SVIL: variants seen among roughly 807,000 people sequenced by gnomAD.
SVIL encodes archvillin.
In SVIL, 101 loss-of-function variants were observed where a neutral mutation model predicts 240.4. The observed-to-expected ratio is 0.42, with a 90% CI of 0.36 to 0.50. The LOEUF (loss-of-function observed/expected upper bound fraction) is 0.50, where lower values mean the gene tolerates loss of function less well. Among genes scored for constraint, SVIL ranks in the 20% least tolerant of loss-of-function variants. The pLI is 0.01. For missense variants in SVIL, 2,512 were observed against 2,818.7 expected (o/e 0.89, Z 2.46); for synonymous variants, 999 against 1,100.0 (o/e 0.91, Z 1.82).
At chr10:29,519,571 T>C (rs1247967880) in intron 16 of SVIL, among the ~76,000 whole-genome samples, 1 of 152,206 alleles carries the variant, frequency 6.6e-6, no homozygotes, top group South Asian at 2.1e-4. Flanking sequence ...AAAGCTATCA[T>C]GGATGAATTG....
intron 18 of SVIL, among the ~76,000 whole-genome samples, chr10:29,498,371 T>C (rs777011011): frequency 8.6e-5 from 13 of 151,510 alleles, no homozygotes; most frequent in Non-Finnish European, 1.8e-4. Flanking sequence ...TGAGCCGAGA[T>C]CACACCATTG....
chr10:29,667,594 G>T (rs376105883), intron 2 of SVIL, among the ~76,000 whole-genome samples: 4 of 152,192 alleles, frequency 2.6e-5, no homozygotes, highest in South Asian at 2.1e-4. Flanking sequence ...GCTCACACCT[G>T]TAATCTCAAC....
chr10:29,556,429 A>G (rs1225207832), intron 3 of SVIL, among the ~76,000 whole-genome samples: 1 of 152,096 alleles, frequency 6.6e-6, no homozygotes, highest in Non-Finnish European at 1.5e-5. Flanking sequence ...ATGAGTCAAA[A>G]CTACACACAC....
chr10:29,532,619 C>A lies in SVIL; in HGVS notation c.1748G>T (p.Gly583Val). 6.2e-7 allele frequency: 1 copy of A among 1,614,086 alleles called. No individual in the cohort carries two copies. The highest frequency in any genetic ancestry group is 2.2e-5 in the East Asian group (1 of 44,862). Residue 583 changes from glycine (G) to valine (V), a missense_variant, in exon 8 of 38, where the codon GGG becomes GTG. By Grantham distance (109) the Gly-to-Val change is moderately radical. Transcript: ENST00000355867. Reference sequence around the variant, plus strand: ...TTTTGTGTCCAGCATGCTGATCTCCCCATAAGGCCCTTCGGTCTTGGAGCT... The same window carrying A: ...TTTTGTGTCCAGCATGCTGATCTCCACATAAGGCCCTTCGGTCTTGGAGCT... Reference protein sequence around the residue: ...LPSSKTEGPYGEISMLDTKVS... With the variant: ...LPSSKTEGPYVEISMLDTKVS...
chr10:29,469,813 G>C (rs1945348955), intron 32 of SVIL, among the ~76,000 whole-genome samples: 3 of 152,236 alleles, frequency 2.0e-5, no homozygotes, highest in Non-Finnish European at 2.9e-5. Flanking sequence ...ATCGGGGGCT[G>C]CTCTCCAGAA....
chr10:29,577,663 T>G (rs971631690), intron 1 of SVIL, among the ~76,000 whole-genome samples: 5 of 152,240 alleles, frequency 3.3e-5, no homozygotes, highest in Admixed American at 1.3e-4. Context: ...ATGTGTCTTT[T>G]TTATATAATG....
intron 1 of SVIL, among the ~76,000 whole-genome samples, chr10:29,700,777 T>C (rs373572134): frequency 6.6e-6 from 1 of 152,058 alleles, no homozygotes; most frequent in East Asian, 1.9e-4. Flanking sequence ...CTGGCCACTA[T>C]TTCCATTCTT....
intron 29 of SVIL, 83 bp downstream of exon 29, chr10:29,480,454 C>G (rs1263982001): frequency 6.5e-7 from 1 of 1,549,030 alleles, no homozygotes; most frequent in Non-Finnish European, 8.8e-7. Context: ...GAGGGCATGA[C>G]AGGGTTCATT....
At chr10:29,475,479 G>T (rs10740805) in intron 29 of SVIL, 56,979 of 152,126 alleles carry the variant, frequency 0.37, 11,006 homozygotes, top group East Asian at 0.54. Context: ...ACTCGATGCT[G>T]GGTGCTTTTG....
At chr10:29,539,561 A>G (rs1951992605) in intron 6 of SVIL, among the ~76,000 whole-genome samples, 1 of 152,204 alleles carries the variant, frequency 6.6e-6, no homozygotes, top group Non-Finnish European at 1.5e-5. Flanking sequence ...AGACGCCTAA[A>G]TCAGACACCA....
intron 5 of SVIL, among the ~76,000 whole-genome samples, chr10:29,554,151 A>G (rs1277886538): frequency 6.6e-6 from 1 of 152,062 alleles, no homozygotes; most frequent in African/African-American, 2.4e-5. Flanking sequence ...TGTTTTTAGC[A>G]AATCTATTTA....
intron 6 of SVIL, among the ~76,000 whole-genome samples, chr10:29,546,920 A>C (rs75689776): frequency 0.029 from 4,364 of 152,296 alleles, 199 homozygotes; most frequent in African/African-American, 0.099. Context: ...ACAGAAAAAA[A>C]TCCACAAAAA....
chr10:29,731,000 A>C (rs1472374540), intron 1 of SVIL, among the ~76,000 whole-genome samples: 1 of 152,194 alleles, frequency 6.6e-6, no homozygotes, highest in Non-Finnish European at 1.5e-5. Flanking sequence ...TTTTAAGGAC[A>C]TGTACGTAAA....
intron 6 of SVIL, among the ~76,000 whole-genome samples, chr10:29,550,301 G>A (rs1047091146): frequency 2.6e-5 from 4 of 151,910 alleles, no homozygotes; most frequent in African/African-American, 9.7e-5. Flanking sequence ...AATTAGCCGG[G>A]CGTGGTGGCA....
At chr10:29,615,383 CA>C (rs1957393764) in intron 1 of SVIL, among the ~76,000 whole-genome samples, 1 of 152,198 alleles carries the variant, frequency 6.6e-6, no homozygotes, top group South Asian at 2.1e-4. Context: ...ATTCACAAAG[CA>C]AATGCAACAC....
intron 1 of SVIL, among the ~76,000 whole-genome samples, chr10:29,623,991 G>A (rs1186599161): frequency 6.6e-6 from 1 of 152,172 alleles, no homozygotes; most frequent in African/African-American, 2.4e-5. Context: ...GTTGCAGAAT[G>A]ACGAAATCAC....
At chr10:29,479,849 G>A (rs1946633789) in intron 29 of SVIL, among the ~76,000 whole-genome samples, 1 of 152,168 alleles carries the variant, frequency 6.6e-6, no homozygotes. Context: ...TCTCCTAAAT[G>A]GGAAGGGGTG....
chr10:29,551,337 T>C, intron 5 of SVIL, 74 bp from the exon 6 acceptor site: 1 of 1,400,596 alleles, frequency 7.1e-7, no homozygotes. Flanking sequence ...AATGACACTC[T>C]ACTGCACACA....
chr10:29,643,947 G>T lies in SVIL; in HGVS notation c.-201+14022C>A, dbSNP rs764384708. The stretch of plus-strand genomic sequence containing the variant: ...CCTGGACCGTGGTTTATGAGTCCTG[G>T]CTCCAGAGACCCAGCCTCTCACACG... On this transcript the variant is annotated intron_variant, in intron 3 of 35. Transcript: ENST00000375400. 6 of 516,394 alleles carry T rather than the reference G, an allele frequency of 1.2e-5. No homozygotes were observed. The East Asian group carries it at 3.3e-4, about 28-fold the overall frequency. 32.0% of individuals were successfully genotyped at this position (516,394 alleles called of 1,614,324 possible).
Sources: allele counts gnomAD v4.1 joint callset (sites outside exome capture counted in the v4.1 genomes callset), GRCh38; gene constraint gnomAD v4.1.1; transcripts MANE v1.5; gene names NCBI Gene and HGNC (gene_info 2026-07-23, HGNC 2026-07-21).